ARPC2: variants seen among roughly 807,000 people sequenced by gnomAD.
ARPC2 encodes the protein actin related protein 2/3 complex subunit 2, also known as actin-related protein 2/3 complex subunit 2.
In ARPC2, 4 loss-of-function variants were observed where a neutral mutation model predicts 38.6. The observed-to-expected ratio is 0.10, with a 90% confidence interval of 0.05 to 0.24. The LOEUF (loss-of-function observed/expected upper bound fraction) is 0.24, where lower values mean the gene tolerates loss of function less well. Among genes scored for constraint, ARPC2 ranks in the 10% least tolerant of loss-of-function variants. The pLI, the probability that ARPC2 is intolerant of heterozygous loss-of-function variation, is 1.00. For missense variants in ARPC2, 229 were observed against 387.3 expected, an observed-to-expected ratio of 0.59 and a Z score of 3.43; for synonymous variants, 125 against 140.8, an observed-to-expected ratio of 0.89 and a Z score of 0.79.
intron 5 of ARPC2, 182 bp downstream of exon 5, chr2:218,234,579 T>A: frequency 1.7e-6 from 1 of 592,222 alleles, no homozygotes; most frequent in South Asian, 2.1e-5. Context: ...TTGTCCAATA[T>A]GGAACACAGT....
chr2:218,244,431 T>C (rs1689984945), intron 7 of ARPC2, among the ~76,000 whole-genome samples: 2 of 152,200 alleles, frequency 1.3e-5, no homozygotes, highest in African/African-American at 2.4e-5. Flanking sequence ...CCAGCTAGGG[T>C]AGAAGCACTT....
intron 5 of ARPC2, chr2:218,236,343 A>T (rs1230332360): frequency 6.6e-6 from 1 of 152,084 alleles, no homozygotes; most frequent in African/African-American, 2.4e-5. Flanking sequence ...TAACCTTGTA[A>T]TCTGTGTGCT....
chr2:218,246,879 G>A (rs1303231813), intron 8 of ARPC2, among the ~76,000 whole-genome samples: 1 of 152,160 alleles, frequency 6.6e-6, no homozygotes, highest in African/African-American at 2.4e-5. Context: ...TCGGGCAAGC[G>A]AGGCATGGCA....
chr2:218,242,395 G>A (rs1689936484), intron 7 of ARPC2, among the ~76,000 whole-genome samples: 1 of 152,212 alleles, frequency 6.6e-6, no homozygotes, highest in African/African-American at 2.4e-5. Flanking sequence ...GAAAAGTTAA[G>A]TGGAAACCAC....
Position 218,249,856 on chromosome 2 carries a change from T to G in ARPC2, c.813T>G (p.Ser271=). ...YIHTRMRAKT[S]DFLKVLNRAR... is the part of the protein sequence containing the mutation. ...ACACACGTATGCGGGCGAAAACGTC[T>G]GACTTCCTCAAGGTGCTGAACCGCG... Residue 271 remains serine (S), a synonymous_variant, in exon 10 of 11, where the codon TCT becomes TCG. Transcript: ENST00000315717. 6.2e-7 allele frequency: 1 copy of G among 1,613,974 alleles called. No individual in the cohort carries two copies. The highest frequency in any genetic ancestry group is 1.7e-4 in the Middle Eastern group (1 of 6,060).
Position 218,253,933 on chromosome 2 carries a change from G to C in ARPC2, c.*18G>C. The C allele has an allele frequency of 1.2e-6, 2 of 1,613,896 alleles. No individual in the cohort carries two copies. Among genetic ancestry groups the C allele is most frequent in the Non-Finnish European group, 1.7e-6 (2 of 1,179,960 alleles). ...CCCGCTAATCTTGGGAATAAGAGGA[G>C]GAAGCGGCTGGCAACTGAAGGCTGG... On this transcript the variant is annotated 3_prime_UTR_variant, in exon 11 of 11. Transcript: ENST00000315717.
chr2:218,228,645 TG>T, intron 3 of ARPC2, 92 bp from the exon 4 acceptor site: 1 of 649,796 alleles, frequency 1.5e-6, no homozygotes, highest in Non-Finnish European at 2.7e-6. Flanking sequence ...TCCTTAAAAG[TG>T]GTCTTCCTTG....
chr2:218,243,591 A>G (rs1332255745), intron 7 of ARPC2, among the ~76,000 whole-genome samples: 1 of 152,212 alleles, frequency 6.6e-6, no homozygotes, highest in Non-Finnish European at 1.5e-5. Context: ...CCTGGCCAAC[A>G]TGGTGAAACC....
chr2:218,217,433 G>A, intron 1 of ARPC2, 30 bp from the exon 2 acceptor site: 2 of 1,601,168 alleles, frequency 1.2e-6, no homozygotes, highest in South Asian at 2.2e-5. Context: ...CACCCTCACC[G>A]GCCCTTGTTT....
At position 218,245,458 on chromosome 2, in the gene ARPC2, A is replaced by T. The variant is rs1690009568; in HGVS notation, c.588A>T (p.Pro196=). 6.2e-7 allele frequency: 1 copy of T among 1,614,022 alleles called. No individual in the cohort carries two copies. Among genetic ancestry groups the T allele is most frequent in the Non-Finnish European group, 8.5e-7 (1 of 1,180,026 alleles). ...KEGRRASHTA[P]QVLFSHREPP... ...GACGCAGAGCCAGCCACACAGCCCC[A>T]CAGGTCCTCTTTAGCCACAGGGAAC... The change falls in exon 8 of 11, where the codon CCA becomes CCT. Residue 196 remains proline (P), a synonymous_variant. Transcript: ENST00000315717.
chr2:218,249,249 A>G, intron 8 of ARPC2, 115 bp from the exon 9 acceptor site: 1 of 685,538 alleles, frequency 1.5e-6, no homozygotes, highest in South Asian at 1.8e-5. Flanking sequence ...TAATACTGAC[A>G]CAAGTGGAGT....
intron 7 of ARPC2, among the ~76,000 whole-genome samples, chr2:218,241,708 T>G (rs1219497928): frequency 6.6e-6 from 1 of 152,246 alleles, no homozygotes; most frequent in Non-Finnish European, 1.5e-5. Context: ...GCATATGATT[T>G]AAATGCCTCC....
At chr2:218,229,097 T>C in intron 4 of ARPC2, 3 of 335,046 alleles carry the variant, frequency 9.0e-6, no homozygotes, top group South Asian at 3.1e-5. Flanking sequence ...CAAAGAATAC[T>C]TTTCCTTGAT....
At chr2:218,244,382 C>T (rs957171429) in intron 7 of ARPC2, among the ~76,000 whole-genome samples, 18 of 152,242 alleles carry the variant, frequency 1.2e-4, no homozygotes, top group Non-Finnish European at 2.4e-4. Context: ...CAACTGGAAA[C>T]AGCCCTTGCC....
chr2:218,249,658 T>C (rs1297560309), intron 9 of ARPC2, 163 bp from the exon 10 acceptor site: 8 of 776,056 alleles, frequency 1.0e-5, no homozygotes, highest in Non-Finnish European at 1.6e-5. Flanking sequence ...CAGAGATGAA[T>C]ATTTGTTTCC....
At chr2:218,246,582 T>G (rs893694045) in intron 8 of ARPC2, among the ~76,000 whole-genome samples, 1 of 152,046 alleles carries the variant, frequency 6.6e-6, no homozygotes, top group African/African-American at 2.4e-5. Context: ...GGCTCATACC[T>G]GTAATCCCAG....
intron 6 of ARPC2, 155 bp downstream of exon 6, chr2:218,239,005 G>A (rs1689844981): frequency 3.2e-6 from 2 of 630,242 alleles, no homozygotes; most frequent in Non-Finnish European, 5.4e-6. Context: ...TGATAGGGCA[G>A]AAATCAGCCA....
rs868391092 is a variant in ARPC2 at position 218,237,831 on chromosome 2, A to G, written c.269-833A>G. Among the ~76,000 whole-genome samples the G allele has an allele frequency of 5.9e-5, 9 of 152,086 alleles. No homozygotes were observed. In the South Asian group the frequency reaches 1.5e-3, roughly 25 times the overall value. On this transcript the variant is annotated intron_variant, in intron 5 of 10. Transcript: ENST00000315717. The stretch of plus-strand genomic sequence containing the variant: ...GATCTGCCCACCTTGGCCTCCCAAA[A>G]TGCTGGGATTACAGGTGTGAGCCAC...
At chr2:218,250,248 G>A (rs1690152959) in intron 10 of ARPC2, among the ~76,000 whole-genome samples, 1 of 152,200 alleles carries the variant, frequency 6.6e-6, no homozygotes, top group Non-Finnish European at 1.5e-5. Context: ...GGAGTAAGTT[G>A]CTTAGGGACC....
Sources: gnomAD v4.1 joint callset for allele counts (sites outside exome capture counted in the v4.1 genomes callset) on GRCh38, gnomAD v4.1.1 for gene constraint, MANE v1.5 for transcripts, NCBI Gene and HGNC (gene_info 2026-07-23, HGNC 2026-07-21) for gene names.